Variants in HSD17B7 observed in about 807,000 individuals in gnomAD.
HSD17B7 encodes 3-keto-steroid reductase/17-beta-hydroxysteroid dehydrogenase 7.
HSD17B7 carries 17 observed loss-of-function variants against 34.1 expected under a neutral mutation model. That is an observed-to-expected ratio of 0.50 (90% CI 0.34 to 0.75). The LOEUF (loss-of-function observed/expected upper bound fraction) is 0.75, where lower values mean the gene tolerates loss of function less well. Ranked by LOEUF, HSD17B7 falls within the 30% of genes least tolerant of loss-of-function variation. The probability of loss-of-function intolerance (pLI) is 0.01; values close to 1 mark genes in which losing one functional copy is unlikely to be tolerated. For synonymous variants in HSD17B7, 122 were observed against 154.6 expected, an observed-to-expected ratio of 0.79 and a Z score of 1.56; for missense variants, 296 against 406.6, an observed-to-expected ratio of 0.73 and a Z score of 2.34.
intron 1 of HSD17B7, among the ~76,000 whole-genome samples, chr1:162,792,305 T>C (rs1255658941): frequency 6.6e-6 from 1 of 152,218 alleles, no homozygotes; most frequent in Non-Finnish European, 1.5e-5. Context: ...TTTTGAGCCC[T>C]TACTGGTGAT....
chr1:162,799,069 CCTT>C (rs1461807293), intron 4 of HSD17B7: 1 of 157,908 alleles, frequency 6.3e-6, no homozygotes, highest in Non-Finnish European at 1.4e-5. Flanking sequence ...TGCTCTACCT[CCTT>C]AAGAGTGGGT....
chr1:162,802,938 C>CA (rs1195213175), intron 5 of HSD17B7: 2 of 152,682 alleles, frequency 1.3e-5, no homozygotes, highest in African/African-American at 4.8e-5. Context: ...GAGCACCCCC[C>CA]TCAAGCTAGA....
intron 2 of HSD17B7, among the ~76,000 whole-genome samples, chr1:162,794,377 C>T (rs1648527810): frequency 6.6e-6 from 1 of 152,026 alleles, no homozygotes; most frequent in Non-Finnish European, 1.5e-5. Context: ...TTCTTCACTC[C>T]AGCTCTTCTC....
At chr1:162,801,982 A>T (rs2102234291) in intron 5 of HSD17B7, among the ~76,000 whole-genome samples, 1 of 152,274 alleles carries the variant, frequency 6.6e-6, no homozygotes, top group Admixed American at 6.5e-5. Context: ...TCAGCCAATG[A>T]CTTTTTCTTC....
chr1:162,793,285 G>C (rs1240004549), intron 2 of HSD17B7, among the ~76,000 whole-genome samples: 1 of 152,104 alleles, frequency 6.6e-6, no homozygotes, highest in Non-Finnish European at 1.5e-5. Context: ...CACCCGCCTC[G>C]GCCTCCCAAA....
intron 8 of HSD17B7, among the ~76,000 whole-genome samples, chr1:162,811,764 G>A (rs1269770144): frequency 7.9e-5 from 12 of 152,182 alleles, no homozygotes; most frequent in African/African-American, 2.2e-4. Flanking sequence ...GAAGAAAAAA[G>A]GGATGCTTTA....
At chr1:162,804,509 C>T (rs1648917743) in intron 7 of HSD17B7, among the ~76,000 whole-genome samples, 186 bp downstream of exon 7, 1 of 152,148 alleles carries the variant, frequency 6.6e-6, no homozygotes, top group Non-Finnish European at 1.5e-5. Flanking sequence ...GTGAAGTTTG[C>T]AAGTTTAACA....
At chr1:162,797,686 T>C (rs1160088145) in intron 3 of HSD17B7, 116 bp from the exon 4 acceptor site, 1 of 1,461,222 alleles carries the variant, frequency 6.8e-7, no homozygotes, top group African/African-American at 1.4e-5. Context: ...ATTCCTGTCA[T>C]TATAGAATCA....
At chr1:162,803,681 C>G (rs935962662) in intron 6 of HSD17B7, 146 bp downstream of exon 6, 2 of 991,134 alleles carry the variant, frequency 2.0e-6, no homozygotes, top group African/African-American at 3.3e-5. Flanking sequence ...TAATGTGAAA[C>G]CTCTGCTTAA....
intron 8 of HSD17B7, among the ~76,000 whole-genome samples, chr1:162,809,492 T>G (rs575253400): frequency 2.0e-5 from 3 of 152,092 alleles, no homozygotes; most frequent in African/African-American, 7.3e-5. Context: ...ATAAAATGAG[T>G]TGGGGAGGAT....
chr1:162,799,659 C>G (rs1648738552), intron 4 of HSD17B7, 84 bp from the exon 5 acceptor site: 1 of 821,988 alleles, frequency 1.2e-6, no homozygotes, highest in Non-Finnish European at 1.9e-6. Context: ...ACCCTAATCT[C>G]TTACCATACA....
chr1:162,811,649 G>A (rs977529204), intron 8 of HSD17B7, among the ~76,000 whole-genome samples: 1 of 152,222 alleles, frequency 6.6e-6, no homozygotes, highest in African/African-American at 2.4e-5. Flanking sequence ...GGCTGCCATG[G>A]CAAGTCCACA....
intron 3 of HSD17B7, among the ~76,000 whole-genome samples, chr1:162,796,920 C>G (rs1648633125): frequency 1.3e-5 from 2 of 152,126 alleles, no homozygotes; most frequent in African/African-American, 2.4e-5. Context: ...TTTAGAAGGT[C>G]ATTTTTTGGT....
At chr1:162,805,765 G>A (rs1406618789) in intron 8 of HSD17B7, among the ~76,000 whole-genome samples, 1 of 152,098 alleles carries the variant, frequency 6.6e-6, no homozygotes, top group Non-Finnish European at 1.5e-5. Context: ...CCTGTAGACC[G>A]GGCCTGGGTG....
chr1:162,792,457 A>G, intron 1 of HSD17B7: 1 of 686,880 alleles, frequency 1.5e-6, no homozygotes, highest in Non-Finnish European at 2.3e-6. Flanking sequence ...AAAATGAGAA[A>G]AACACAAACT....
chr1:162,808,842 T>G (rs545070355), intron 8 of HSD17B7, among the ~76,000 whole-genome samples: 1 of 152,338 alleles, frequency 6.6e-6, no homozygotes, highest in South Asian at 2.1e-4. Flanking sequence ...TTGCTGAAGT[T>G]GCTTATCAGC....
chr1:162,793,728 A>G (rs1171387312), intron 2 of HSD17B7, among the ~76,000 whole-genome samples: 5 of 152,328 alleles, frequency 3.3e-5, no homozygotes, highest in Non-Finnish European at 7.4e-5. Flanking sequence ...TCTTCACATA[A>G]TGAATTCATT....
chr1:162,795,466 T>C (rs1047520906), intron 2 of HSD17B7, among the ~76,000 whole-genome samples: 2 of 152,216 alleles, frequency 1.3e-5, no homozygotes, highest in Non-Finnish European at 2.9e-5. Context: ...ATGTTAATAT[T>C]CATAGATAAA....
chr1:162,791,788 A>C (rs1250451382), intron 1 of HSD17B7, among the ~76,000 whole-genome samples: 2 of 152,058 alleles, frequency 1.3e-5, no homozygotes, highest in African/African-American at 2.4e-5. Flanking sequence ...TACTGTTCTC[A>C]TGTGAGGACA....
Sources: gnomAD v4.1 joint callset for allele counts (sites outside exome capture counted in the v4.1 genomes callset) on GRCh38, gnomAD v4.1.1 for gene constraint, MANE v1.5 for transcripts, NCBI Gene and HGNC (gene_info 2026-07-23, HGNC 2026-07-21) for gene names.